PARM1: variants seen among roughly 807,000 people sequenced by gnomAD.
PARM1 encodes the protein prostate androgen-regulated mucin-like protein 1.
A neutral mutation model predicts 24.6 loss-of-function variants in PARM1; 14 were observed. That is an observed-to-expected ratio of 0.57 (90% CI 0.38 to 0.89). The LOEUF (loss-of-function observed/expected upper bound fraction) is 0.89, where lower values mean the gene tolerates loss of function less well. Among genes scored for constraint, PARM1 ranks in the 40% least tolerant of loss-of-function variants. The pLI is 0.00. For synonymous variants in PARM1, 179 were observed against 156.6 expected (o/e 1.14, Z -1.07); for missense variants, 362 against 380.4 (o/e 0.95, Z 0.40).
intron 1 of PARM1, among the ~76,000 whole-genome samples, chr4:74,973,522 C>T (rs890010075): frequency 7.7e-6 from 1 of 130,506 alleles, no homozygotes. Context: ...TAGAGACATT[C>T]GTCTTCTGGA....
At chr4:74,982,160 T>C (rs1192731476) in intron 1 of PARM1, among the ~76,000 whole-genome samples, 4 of 152,174 alleles carry the variant, frequency 2.6e-5, no homozygotes, top group African/African-American at 4.8e-5. Context: ...TAGATGGAGC[T>C]GGAAGCCATT....
intron 2 of PARM1, among the ~76,000 whole-genome samples, chr4:75,015,840 G>A (rs368949976): frequency 7.9e-5 from 12 of 152,166 alleles, no homozygotes; most frequent in African/African-American, 2.4e-4. Flanking sequence ...ACTCTGAATT[G>A]CTGCACTCCT....
At chr4:74,966,345 T>A (rs1476323056) in intron 1 of PARM1, among the ~76,000 whole-genome samples, 1 of 152,064 alleles carries the variant, frequency 6.6e-6, no homozygotes, top group East Asian at 1.9e-4. Context: ...CTAAATACAA[T>A]AAAGACAAAT....
intron 2 of PARM1, among the ~76,000 whole-genome samples, chr4:75,024,842 G>A (rs1723154145): frequency 6.6e-6 from 1 of 152,130 alleles, no homozygotes; most frequent in Non-Finnish European, 1.5e-5. Flanking sequence ...GGAATTACAG[G>A]TGTCCGCCAC....
intron 1 of PARM1, among the ~76,000 whole-genome samples, chr4:75,009,993 C>T (rs930878602): frequency 3.3e-5 from 5 of 152,158 alleles, no homozygotes; most frequent in Non-Finnish European, 7.3e-5. Context: ...TCATTAATTC[C>T]ACTTCTGGGA....
At chr4:74,967,009 T>C (rs774675652) in intron 1 of PARM1, 2 of 152,218 alleles carry the variant, frequency 1.3e-5, no homozygotes, top group Non-Finnish European at 2.9e-5. Context: ...CCTTGAAATA[T>C]ATTGACCTTT....
In PARM1 at chr4:75,012,762, G is replaced by A. The variant is rs150724435; in HGVS notation, c.381G>A (p.Ser127=). The A allele has an allele frequency of 9.4e-5, 152 of 1,613,950 alleles. No individual in the cohort carries two copies. The East Asian group carries it at 3.1e-3, about 33-fold the overall frequency. The change falls in exon 2 of 4, where the codon TCG becomes TCA. Residue 127 remains serine (S), a synonymous_variant. Coordinates refer to ENST00000307428, the MANE Select transcript of PARM1 (RefSeq NM_015393.4). ...HLTTTLEEHS[S]GTPEAGVAAT... ...CAACCACGTTGGAGGAACACAGCTC[G>A]GGCACTCCTGAAGCAGGCGTGGCAG...
At chr4:75,009,587 C>T (rs901353171) in intron 1 of PARM1, among the ~76,000 whole-genome samples, 4 of 152,272 alleles carry the variant, frequency 2.6e-5, no homozygotes, top group Middle Eastern at 6.8e-3. Flanking sequence ...AAGCAAGAAT[C>T]TTGCCCTCAA....
Position 74,933,246 on chromosome 4 carries a change from C to G in PARM1, c.-82C>G. The G allele has an allele frequency of 7.8e-7, 1 of 1,273,900 alleles. No homozygotes were observed. The highest frequency in any genetic ancestry group is 1.1e-6 in the Non-Finnish European group (1 of 882,176). 78.9% of individuals were successfully genotyped at this position (1,273,900 alleles called of 1,614,324 possible). The stretch of plus-strand genomic sequence containing the variant: ...ACCGCAGCCCACCCGGCAGAGGAGT[C>G]GCTACCAGCGCCCAGTGCGCTCTGT... On this transcript the variant is annotated 5_prime_UTR_variant, in exon 1 of 4. Coordinates refer to ENST00000307428, the MANE Select transcript of PARM1 (RefSeq NM_015393.4).
At chr4:74,939,494 G>C (rs1449246787) in intron 1 of PARM1, among the ~76,000 whole-genome samples, 2 of 151,906 alleles carry the variant, frequency 1.3e-5, no homozygotes, top group Non-Finnish European at 2.9e-5. Context: ...ATAGGGGCTG[G>C]GACTCGAAGC....
At chr4:75,018,645 G>T (rs1222921153) in intron 2 of PARM1, among the ~76,000 whole-genome samples, 1 of 152,196 alleles carries the variant, frequency 6.6e-6, no homozygotes, top group Non-Finnish European at 1.5e-5. Flanking sequence ...CAGAAGACAT[G>T]AGGTTCATGG....
chr4:74,997,201 A>G (rs1228776054), intron 1 of PARM1, among the ~76,000 whole-genome samples: 1 of 152,194 alleles, frequency 6.6e-6, no homozygotes, highest in African/African-American at 2.4e-5. Flanking sequence ...AGGTGTATCC[A>G]TAGTCTGGCT....
chr4:75,012,546 C>G lies in PARM1; in HGVS notation c.165C>G (p.Ser55=). The change falls in exon 2 of 4, where the codon TCC becomes TCG. Residue 55 remains serine (S), a synonymous_variant. Transcript: ENST00000307428. ...SPQNTDADTA[S]PSNGTHNNSV... is the part of the protein sequence containing the mutation. The stretch of plus-strand genomic sequence containing the variant: ...AAAACACTGATGCAGACACTGCCTC[C>G]CCATCCAACGGCACTCACAACAACT... 6.2e-7 allele frequency: 1 copy of G among 1,613,920 alleles called. No individual in the cohort carries two copies. Among genetic ancestry groups the G allele is most frequent in the Non-Finnish European group, 8.5e-7 (1 of 1,179,896 alleles).
In PARM1 at chr4:75,047,064, C is replaced by G; in HGVS notation, c.*817C>G. 2 of 152,668 alleles carry G rather than the reference C, an allele frequency of 1.3e-5. No homozygotes were observed. 9.5% of individuals were successfully genotyped at this position (152,668 alleles called of 1,614,324 possible). On this transcript the variant is annotated 3_prime_UTR_variant, in exon 4 of 4. Coordinates refer to ENST00000307428, the MANE Select transcript of PARM1 (RefSeq NM_015393.4). ...TGAGTTATAGAGAGAAAGGGAGAGG[C>G]ATGTACGGTGTGGGGAAGTGGAAGA...
chr4:74,976,655 T>G (rs1390049694), intron 1 of PARM1, among the ~76,000 whole-genome samples: 3 of 152,210 alleles, frequency 2.0e-5, no homozygotes, highest in African/African-American at 7.2e-5. Flanking sequence ...GGGTGAGACA[T>G]GCCAACAGGG....
intron 3 of PARM1, among the ~76,000 whole-genome samples, chr4:75,036,200 AACACTTCCTTCTTGCTAC>A (rs1164806625): frequency 1.3e-5 from 2 of 152,206 alleles, no homozygotes; most frequent in African/African-American, 4.8e-5. Context: ...GTGAAATAGA[AACACTTCCTTCTTGCTAC>A]ACACTTCCCC....
intron 1 of PARM1, among the ~76,000 whole-genome samples, chr4:74,938,274 A>T (rs1165567763): frequency 6.6e-6 from 1 of 152,208 alleles, no homozygotes; most frequent in Non-Finnish European, 1.5e-5. Flanking sequence ...ATAACACCCC[A>T]CCGGAAGCAA....
At chr4:75,022,100 T>G (rs768443810) in intron 2 of PARM1, among the ~76,000 whole-genome samples, 4 of 152,248 alleles carry the variant, frequency 2.6e-5, no homozygotes, top group Non-Finnish European at 4.4e-5. Context: ...TTCCCTTTTC[T>G]CTGCAACCTC....
chr4:74,941,560 C>T (rs753038096), intron 1 of PARM1, among the ~76,000 whole-genome samples: 5 of 152,122 alleles, frequency 3.3e-5, no homozygotes, highest in Non-Finnish European at 7.4e-5. Flanking sequence ...CATTTGATTT[C>T]ATTTTTAGAG....
Sources: gnomAD v4.1 joint callset for allele counts (sites outside exome capture counted in the v4.1 genomes callset) on GRCh38, gnomAD v4.1.1 for gene constraint, MANE v1.5 for transcripts, NCBI Gene and HGNC (gene_info 2026-07-23, HGNC 2026-07-21) for gene names.